Variants in DLG2 observed in about 807,000 individuals in gnomAD.
The protein encoded by DLG2 is disks large homolog 2.
In DLG2, 45 loss-of-function variants were observed where a neutral mutation model predicts 132.5. That is an observed-to-expected ratio of 0.34 (90% confidence interval 0.27 to 0.44). DLG2 has a LOEUF of 0.44. DLG2 is among the 20% of genes least tolerant of loss of function. The pLI is 1.00. For missense variants in DLG2, 1,045 were observed against 1,196.9 expected (o/e 0.87, Z 1.87); for synonymous variants, 424 against 419.6 (o/e 1.01, Z -0.13).
intron 11 of DLG2, among the ~76,000 whole-genome samples, chr11:84,043,795 C>A (rs1224424128): frequency 6.6e-6 from 1 of 151,688 alleles, no homozygotes; most frequent in African/African-American, 2.4e-5. Context: ...CTATTTGTAA[C>A]ATATTCATAA....
At chr11:85,116,410 T>C (rs577295961) in intron 5 of DLG2, among the ~76,000 whole-genome samples, 80 of 152,072 alleles carry the variant, frequency 5.3e-4, no homozygotes, top group Non-Finnish European at 9.1e-4. Context: ...ATATAATATA[T>C]ATCTATATTT....
intron 2 of DLG2, among the ~76,000 whole-genome samples, chr11:85,601,030 C>T (rs796480709): frequency 2.6e-5 from 4 of 152,256 alleles, no homozygotes; most frequent in Middle Eastern, 3.4e-3. Context: ...TGCACAGCAG[C>T]ATACCATTAT....
At chr11:83,571,669 A>G (rs2096799441) in intron 19 of DLG2, among the ~76,000 whole-genome samples, 1 of 151,794 alleles carries the variant, frequency 6.6e-6, no homozygotes, top group Admixed American at 6.6e-5. Flanking sequence ...ATAGTTTGTT[A>G]TATATAGTGA....
chr11:85,474,109 T>A (rs746989048), intron 3 of DLG2, among the ~76,000 whole-genome samples: 1 of 151,858 alleles, frequency 6.6e-6, no homozygotes, highest in Admixed American at 6.6e-5. Flanking sequence ...ATACTGGCAG[T>A]AAAAGTGTGA....
rs554239344 is a variant in DLG2, at chr11:84,294,370, G to A, written c.520-43079C>T. Among the ~76,000 whole-genome samples, 429 of 151,718 alleles carry A rather than the reference G, an allele frequency of 2.8e-3. 1 individual carries two copies. Among genetic ancestry groups the A allele is most frequent in the African/African-American group, 9.8e-3 (407 of 41,366 alleles). On this transcript the variant is annotated intron_variant, in intron 7 of 27. Transcript: ENST00000376104. ...TCCCAGCACTTTGGGAGGCCAAGGC[G>A]GTGGATCATCTGAGGTCAGGAGTTT... is the stretch of plus-strand genomic sequence containing the variant.
At chr11:83,899,655 C>G (rs1272731287) in intron 15 of DLG2, among the ~76,000 whole-genome samples, 1 of 147,876 alleles carries the variant, frequency 6.8e-6, no homozygotes, top group African/African-American at 2.5e-5. Flanking sequence ...TGAGACGTGC[C>G]TTTCACCTTC....
chr11:84,956,388 T>C (rs1302804803), intron 6 of DLG2, among the ~76,000 whole-genome samples: 2 of 152,218 alleles, frequency 1.3e-5, no homozygotes, highest in African/African-American at 4.8e-5. Flanking sequence ...ATTTAGTATG[T>C]GTAAATTATT....
At chr11:84,982,005 C>G (rs2055824277) in intron 6 of DLG2, among the ~76,000 whole-genome samples, 2 of 152,112 alleles carry the variant, frequency 1.3e-5, no homozygotes, top group Admixed American at 6.5e-5. Context: ...AACTCCTTTT[C>G]TTTTGGCAAT....
At chr11:84,529,937 A>G (rs2099331125) in intron 7 of DLG2, among the ~76,000 whole-genome samples, 1 of 152,200 alleles carries the variant, frequency 6.6e-6, no homozygotes, top group African/African-American at 2.4e-5. Context: ...ACTGGTAGAA[A>G]AACAGACACA....
intron 6 of DLG2, chr11:85,021,511 A>T: frequency 6.6e-7 from 1 of 1,525,338 alleles, no homozygotes; most frequent in Non-Finnish European, 9.1e-7. Context: ...GCCGTTATGA[A>T]CAGAGGAGTC....
In DLG2 at chr11:85,148,924, T is replaced by C. The variant is rs188048514; in HGVS notation, c.282+5632A>G. ...TTAACCCATCTTGAGTTAATTTTTG[T>C]ATAAAGTATAAGGAAGGGGTCAAGT... On this transcript the variant is annotated intron_variant, in intron 5 of 27. Coordinates refer to ENST00000376104, the MANE Select transcript of DLG2 (RefSeq NM_001142699.3). Among the ~76,000 whole-genome samples the C allele has an allele frequency of 1.7e-3, 264 of 152,358 alleles. 1 individual carries two copies. Among genetic ancestry groups the C allele is most frequent in the African/African-American group, 6.2e-3 (259 of 41,582 alleles).
intron 3 of DLG2, among the ~76,000 whole-genome samples, chr11:85,309,945 A>G (rs924298346): frequency 2.0e-5 from 3 of 152,172 alleles, no homozygotes; most frequent in African/African-American, 4.8e-5. Context: ...TTATCACCAT[A>G]TTCCTACTAA....
At chr11:83,711,832 T>C (rs1163300672) in intron 18 of DLG2, among the ~76,000 whole-genome samples, 4 of 131,042 alleles carry the variant, frequency 3.1e-5, no homozygotes, top group Non-Finnish European at 6.3e-5. Flanking sequence ...ATAATCATTT[T>C]AGACTCTACT....
At chr11:83,730,560 C>T (rs1046986769) in intron 18 of DLG2, among the ~76,000 whole-genome samples, 1 of 152,098 alleles carries the variant, frequency 6.6e-6, no homozygotes, top group Non-Finnish European at 1.5e-5. Flanking sequence ...TGCTTTTCTA[C>T]CAGGGAGAGC....
At chr11:84,669,064 T>A (rs919533554) in intron 6 of DLG2, among the ~76,000 whole-genome samples, 1 of 152,004 alleles carries the variant, frequency 6.6e-6, no homozygotes, top group Non-Finnish European at 1.5e-5. Flanking sequence ...ACACAGGATA[T>A]GGGACAGGAA....
At chr11:85,243,410 A>G (rs2075987051) in intron 4 of DLG2, among the ~76,000 whole-genome samples, 1 of 152,032 alleles carries the variant, frequency 6.6e-6, no homozygotes, top group African/African-American at 2.4e-5. Flanking sequence ...CTGACATTTA[A>G]TAAATAATTC....
chr11:85,544,723 G>A (rs1399302792), intron 3 of DLG2, among the ~76,000 whole-genome samples: 1 of 152,106 alleles, frequency 6.6e-6, no homozygotes. Flanking sequence ...TTGTAAGTTG[G>A]ATTCCTAGGT....
At chr11:83,569,460 A>G (rs1329405532) in intron 19 of DLG2, among the ~76,000 whole-genome samples, 1 of 152,136 alleles carries the variant, frequency 6.6e-6, no homozygotes, top group Non-Finnish European at 1.5e-5. Flanking sequence ...TACATATATT[A>G]TATCCTTTTT....
intron 9 of DLG2, among the ~76,000 whole-genome samples, chr11:84,125,433 A>C (rs2094130400): frequency 6.6e-6 from 1 of 152,204 alleles, no homozygotes; most frequent in African/African-American, 2.4e-5. Context: ...TATTATGCTG[A>C]ATAAAGTGAC....
Sources: allele counts gnomAD v4.1 joint callset (sites outside exome capture counted in the v4.1 genomes callset), GRCh38; gene constraint gnomAD v4.1.1; transcripts MANE v1.5; gene names NCBI Gene and HGNC (gene_info 2026-07-23, HGNC 2026-07-21).